ZBTB20: variants seen among roughly 807,000 people sequenced by gnomAD.
ZBTB20 encodes zinc finger and BTB domain-containing protein 20.
Under a neutral mutation model 56.9 loss-of-function variants are expected in ZBTB20, and 9 were observed. The ratio of observed to expected loss-of-function variants is 0.16; its 90% CI spans 0.10 to 0.28. The LOEUF is 0.28. Ranked by LOEUF, ZBTB20 falls within the 10% of genes least tolerant of loss-of-function variation. The pLI is 1.00. For synonymous variants in ZBTB20, 417 were observed against 420.7 expected, an observed-to-expected ratio of 0.99 and a Z score of 0.11; for missense variants, 655 against 1,003.0, an observed-to-expected ratio of 0.65 and a Z score of 4.69.
chr3:114,848,386 A>G (rs1336133040), intron 4 of ZBTB20, among the ~76,000 whole-genome samples: 1 of 152,148 alleles, frequency 6.6e-6, no homozygotes. Context: ...GCTATAGAGC[A>G]CTCTCTGTTT....
At chr3:114,811,832 G>A (rs9289004) in intron 4 of ZBTB20, among the ~76,000 whole-genome samples, 106,257 of 147,524 alleles carry the variant, frequency 0.72, 41,412 homozygotes, top group East Asian at 0.96. Context: ...GAATGTGATG[G>A]AACTCCGTCA....
At chr3:115,031,639 A>C (rs2080684811) in intron 2 of ZBTB20, among the ~76,000 whole-genome samples, 1 of 151,504 alleles carries the variant, frequency 6.6e-6, no homozygotes. Context: ...CAGTCCATGC[A>C]AACAACTAAA....
intron 3 of ZBTB20, among the ~76,000 whole-genome samples, chr3:114,966,785 C>G (rs1163959831): frequency 6.6e-6 from 1 of 151,916 alleles, no homozygotes; most frequent in Non-Finnish European, 1.5e-5. Flanking sequence ...CTAGAGTTAA[C>G]TAAGGTAGTA....
intron 6 of ZBTB20, among the ~76,000 whole-genome samples, chr3:114,502,407 C>A (rs1331000974): frequency 6.6e-6 from 1 of 152,138 alleles, no homozygotes; most frequent in African/African-American, 2.4e-5. Context: ...CAATGTGAAA[C>A]CTTGCTCAAG....
chr3:115,063,070 T>G (rs2082069679), intron 2 of ZBTB20, among the ~76,000 whole-genome samples: 1 of 152,186 alleles, frequency 6.6e-6, no homozygotes, highest in Non-Finnish European at 1.5e-5. Flanking sequence ...GCAACAACTT[T>G]TAGATTCTTC....
chr3:114,397,396 A>G (rs1356285682), intron 7 of ZBTB20, among the ~76,000 whole-genome samples: 2 of 151,844 alleles, frequency 1.3e-5, no homozygotes, highest in Non-Finnish European at 2.9e-5. Context: ...CTCCTCTAAT[A>G]TCTCTGAATT....
chr3:114,741,683 G>A (rs2066591712), intron 5 of ZBTB20, among the ~76,000 whole-genome samples: 1 of 151,196 alleles, frequency 6.6e-6, no homozygotes, highest in Non-Finnish European at 1.5e-5. Flanking sequence ...GACCAGCCTG[G>A]CCAAGATGGG....
At chr3:115,124,076 T>C (rs183237263) in intron 1 of ZBTB20, among the ~76,000 whole-genome samples, 2 of 152,356 alleles carry the variant, frequency 1.3e-5, no homozygotes, top group East Asian at 3.9e-4. Flanking sequence ...AGCACTTAAA[T>C]GTTGTCTGGC....
chr3:114,935,516 G>A (rs1275130654), intron 3 of ZBTB20, among the ~76,000 whole-genome samples: 7 of 152,058 alleles, frequency 4.6e-5, no homozygotes, highest in Admixed American at 6.6e-5. Flanking sequence ...AAAAAAATTA[G>A]GTTAAAGCAA....
intron 3 of ZBTB20, among the ~76,000 whole-genome samples, chr3:114,945,839 TA>T (rs559587579): frequency 6.9e-6 from 1 of 144,600 alleles, no homozygotes; most frequent in South Asian, 2.1e-4. Context: ...GGAAAAGTGC[TA>T]AAAAAAATTT....
At chr3:114,935,468 G>C (rs2076502187) in intron 3 of ZBTB20, among the ~76,000 whole-genome samples, 2 of 152,066 alleles carry the variant, frequency 1.3e-5, no homozygotes, top group African/African-American at 4.8e-5. Flanking sequence ...TCGTATTCTT[G>C]ACTCAAAACA....
chr3:114,961,913 GTACTCT>G (rs1560440878), intron 3 of ZBTB20, among the ~76,000 whole-genome samples: 1 of 152,098 alleles, frequency 6.6e-6, no homozygotes, highest in Admixed American at 6.5e-5. Flanking sequence ...GAGGATAGAA[GTACTCT>G]TACTCTTACT....
intron 2 of ZBTB20, among the ~76,000 whole-genome samples, chr3:114,993,255 G>C (rs1349823299): frequency 6.6e-6 from 1 of 151,900 alleles, no homozygotes; most frequent in Non-Finnish European, 1.5e-5. Context: ...AATAGAAGAA[G>C]AGATGGAGAA....
chr3:114,973,109 C>T (rs988991655), intron 3 of ZBTB20, among the ~76,000 whole-genome samples: 1 of 152,068 alleles, frequency 6.6e-6, no homozygotes, highest in Admixed American at 6.6e-5. Flanking sequence ...TGAAAACTTA[C>T]GTGCAAAGAG....
At chr3:114,800,022 G>A (rs1217027786) in intron 5 of ZBTB20, among the ~76,000 whole-genome samples, 1 of 151,882 alleles carries the variant, frequency 6.6e-6, no homozygotes. Flanking sequence ...TGGGGGCTGT[G>A]ACACTCTAAA....
intron 6 of ZBTB20, among the ~76,000 whole-genome samples, chr3:114,584,966 ACT>A (rs1381475414): frequency 6.6e-6 from 1 of 152,068 alleles, no homozygotes; most frequent in Non-Finnish European, 1.5e-5. Context: ...CTTAGGGCAA[ACT>A]CTCTGTTGTT....
chr3:114,414,774 G>C lies in ZBTB20; in HGVS notation c.-254-25669C>G, dbSNP rs920779638. Among the ~76,000 whole-genome samples, 5 of 147,468 alleles carry C rather than the reference G, an allele frequency of 3.4e-5. No individual in the cohort carries two copies. In the South Asian group the frequency reaches 8.4e-4, roughly 25 times the overall value. On this transcript the variant is annotated intron_variant, in intron 7 of 11. Transcript: ENST00000675478. ...ATAAAATATAAAATGCTATATGATA[G>C]TATATAAAATACTATATATTTTATA...
chr3:114,448,611 T>C (rs571122248), intron 7 of ZBTB20, among the ~76,000 whole-genome samples: 1 of 152,220 alleles, frequency 6.6e-6, no homozygotes, highest in East Asian at 1.9e-4. Context: ...TCTTTCTAGA[T>C]TGGGAAAGAA....
intron 3 of ZBTB20, among the ~76,000 whole-genome samples, chr3:114,906,421 T>C (rs776800284): frequency 4.0e-5 from 6 of 151,594 alleles, no homozygotes; most frequent in Non-Finnish European, 8.9e-5. Context: ...GAAAAAGCAA[T>C]GGAATCACAA....
Sources: gnomAD v4.1 joint callset for allele counts (sites outside exome capture counted in the v4.1 genomes callset) on GRCh38, gnomAD v4.1.1 for gene constraint, MANE v1.5 for transcripts, NCBI Gene and HGNC (gene_info 2026-07-23, HGNC 2026-07-21) for gene names.